Variants in ZRANB3 observed in about 807,000 individuals in gnomAD.
The protein encoded by ZRANB3 is zinc finger RANBP2-type containing 3, also known as DNA annealing helicase and endonuclease ZRANB3.
In ZRANB3, 125 loss-of-function variants were observed where a neutral mutation model predicts 133.8. The ratio of observed to expected loss-of-function variants is 0.93; its 90% CI spans 0.81 to 1.08. The LOEUF (loss-of-function observed/expected upper bound fraction) is 1.08, where lower values mean the gene tolerates loss of function less well. ZRANB3 is among the 50% of genes least tolerant of loss of function. The pLI is 0.00. For missense variants in ZRANB3, 1,229 were observed against 1,275.5 expected (o/e 0.96, Z 0.56); for synonymous variants, 387 against 432.7 (o/e 0.89, Z 1.31).
At chr2:135,336,899 G>C (rs1684394817) in intron 6 of ZRANB3, among the ~76,000 whole-genome samples, 1 of 151,652 alleles carries the variant, frequency 6.6e-6, no homozygotes. Context: ...TACAATTAAG[G>C]GCTTCCCACC....
chr2:135,509,663 G>GA (rs1400381528), intron 1 of ZRANB3, among the ~76,000 whole-genome samples: 1 of 151,942 alleles, frequency 6.6e-6, no homozygotes, highest in Non-Finnish European at 1.5e-5. Context: ...AATTAAACAT[G>GA]AAAAAACTCT....
At chr2:135,359,318 T>A (rs1394899790) in intron 3 of ZRANB3, among the ~76,000 whole-genome samples, 1 of 152,058 alleles carries the variant, frequency 6.6e-6, no homozygotes, top group Non-Finnish European at 1.5e-5. Flanking sequence ...GTACAGTAGA[T>A]CACATCTGTA....
chr2:135,414,907 G>A (rs542682879), intron 2 of ZRANB3, among the ~76,000 whole-genome samples: 45 of 152,022 alleles, frequency 3.0e-4, no homozygotes, highest in South Asian at 1.0e-3. Flanking sequence ...TGAAACCAAC[G>A]GGAACAAAGA....
intron 2 of ZRANB3, among the ~76,000 whole-genome samples, chr2:135,445,832 T>G (rs1689995345): frequency 1.4e-5 from 2 of 142,616 alleles, no homozygotes; most frequent in Non-Finnish European, 3.0e-5. Context: ...GTCGAGATTG[T>G]GCCACTGCAC....
intron 8 of ZRANB3, among the ~76,000 whole-genome samples, chr2:135,307,028 T>C (rs934043027): frequency 5.9e-5 from 9 of 152,340 alleles, no homozygotes; most frequent in African/African-American, 2.2e-4. Context: ...GCCAGTCAAA[T>C]GTTTTAATTA....
At chr2:135,443,397 G>A (rs1030016433) in intron 2 of ZRANB3, among the ~76,000 whole-genome samples, 7 of 140,182 alleles carry the variant, frequency 5.0e-5, no homozygotes, top group African/African-American at 8.0e-5. Context: ...GTGGGGGGCT[G>A]GGGGAGGGAT....
At chr2:135,245,433 C>T (rs1425592899) in intron 12 of ZRANB3, among the ~76,000 whole-genome samples, 1 of 152,078 alleles carries the variant, frequency 6.6e-6, no homozygotes, top group Non-Finnish European at 1.5e-5. Context: ...AAGAGGGTCT[C>T]CTGGTTTACT....
At chr2:135,275,902 G>A in intron 8 of ZRANB3, 147 bp from the exon 9 acceptor site, 1 of 524,276 alleles carries the variant, frequency 1.9e-6, no homozygotes, top group Middle Eastern at 5.7e-4. Flanking sequence ...TAAGGAAGTA[G>A]AAGCCCACAT....
chr2:135,478,568 G>T (rs1467631327), intron 2 of ZRANB3, among the ~76,000 whole-genome samples: 1 of 152,132 alleles, frequency 6.6e-6, no homozygotes, highest in Non-Finnish European at 1.5e-5. Flanking sequence ...TACACTTAAT[G>T]TATGTATGTA....
At chr2:135,359,922 G>A (rs1309426231) in intron 3 of ZRANB3, among the ~76,000 whole-genome samples, 1 of 152,134 alleles carries the variant, frequency 6.6e-6, no homozygotes, top group African/African-American at 2.4e-5. Context: ...TTGGGACATG[G>A]TGAGGTAGGA....
intron 2 of ZRANB3, among the ~76,000 whole-genome samples, chr2:135,459,895 C>A (rs1690689084): frequency 6.6e-6 from 1 of 152,096 alleles, no homozygotes; most frequent in Non-Finnish European, 1.5e-5. Flanking sequence ...ACAAATCTTT[C>A]ATTGATTCAT....
chr2:135,426,863 AATATATATATATATATATATATATAT>A lies in ZRANB3; in HGVS notation c.162-36069_162-36044del, dbSNP rs60300167. On this transcript the variant is annotated intron_variant, in intron 2 of 20. Transcript: ENST00000264159. ...AAAAAAAAAAAAAAAAAAAAAAAAA[AATATATATATATATATATATATATAT>A]ATATATATATATATATATATATGTG... Among the ~76,000 whole-genome samples, 3 of 15,538 alleles carry A rather than the reference AATATATATATATATATATATATATAT, an allele frequency of 1.9e-4. 1 individual carries two copies. Among genetic ancestry groups the A allele is most frequent in the African/African-American group, 5.2e-4 (2 of 3,820 alleles). The allele number at this position is 15,538 out of a possible 152,430, so 10.2% of individuals were successfully genotyped here. A position where few individuals can be genotyped will look rare whatever the true frequency, so the allele number is the denominator to read the frequency against.
intron 19 of ZRANB3, among the ~76,000 whole-genome samples, chr2:135,204,654 T>A (rs868519281): frequency 0.043 from 6,013 of 140,574 alleles, 451 homozygotes; most frequent in African/African-American, 0.16. Flanking sequence ...AAAAAAAATA[T>A]ATATATATAC....
intron 2 of ZRANB3, among the ~76,000 whole-genome samples, chr2:135,407,249 G>A (rs1688082722): frequency 6.7e-6 from 1 of 150,206 alleles, no homozygotes; most frequent in South Asian, 2.1e-4. Flanking sequence ...AAAATACCTA[G>A]GAATCCAACT....
chr2:135,472,895 A>G (rs1691334734), intron 2 of ZRANB3, among the ~76,000 whole-genome samples: 1 of 152,214 alleles, frequency 6.6e-6, no homozygotes, highest in African/African-American at 2.4e-5. Context: ...TATACATCGT[A>G]GGGTTGTAGC....
intron 2 of ZRANB3, among the ~76,000 whole-genome samples, chr2:135,483,623 T>G (rs958455035): frequency 2.6e-5 from 4 of 152,070 alleles, no homozygotes; most frequent in African/African-American, 9.7e-5. Context: ...TCAGTTCTGC[T>G]CTGATTTTAA....
chr2:135,523,770 G>C (rs1200858691), intron 1 of ZRANB3, among the ~76,000 whole-genome samples: 3 of 152,150 alleles, frequency 2.0e-5, no homozygotes, highest in Non-Finnish European at 2.9e-5. Context: ...CTATAGTCTT[G>C]ATTATTCAGT....
Position 135,269,114 on chromosome 2 carries a change from C to A in ZRANB3, c.1234G>T (p.Val412Phe), listed in dbSNP as rs747670907. 9 of 1,603,464 alleles carry A rather than the reference C, an allele frequency of 5.6e-6. No individual in the cohort carries two copies. Among genetic ancestry groups the A allele is most frequent in the Non-Finnish European group, 7.6e-6 (9 of 1,176,834 alleles). Residue 412 changes from valine to phenylalanine, a missense_variant, in exon 11 of 21, where the codon GTT (valine) becomes TTT (phenylalanine). Coordinates refer to ENST00000264159, the MANE Select transcript of ZRANB3 (RefSeq NM_032143.4). ...TCCCAGTACAACTCAGCAAATACAA[C>A]ATGACTTGCTGCAGTAAATGTTAAT... ...QGLTFTAASH[V>F]VFAELYWDPG... is the part of the protein sequence containing the mutation.
At chr2:135,449,160 A>C (rs919741832) in intron 2 of ZRANB3, among the ~76,000 whole-genome samples, 1 of 152,224 alleles carries the variant, frequency 6.6e-6, no homozygotes, top group Admixed American at 6.5e-5. Flanking sequence ...GAGGGTGTCC[A>C]TAGCACCAGG....
Sources: allele counts gnomAD v4.1 joint callset (sites outside exome capture counted in the v4.1 genomes callset), GRCh38; gene constraint gnomAD v4.1.1; transcripts MANE v1.5; gene names NCBI Gene and HGNC (gene_info 2026-07-23, HGNC 2026-07-21).